Variants in ARIH2 observed in about 807,000 individuals in gnomAD.
ARIH2 encodes E3 ubiquitin-protein ligase ARIH2.
A neutral mutation model predicts 79.8 loss-of-function variants in ARIH2; 12 were observed. That is an observed-to-expected ratio of 0.15 (90% CI 0.10 to 0.24). The LOEUF (loss-of-function observed/expected upper bound fraction) is 0.24, where lower values mean the gene tolerates loss of function less well. Among genes scored for constraint, ARIH2 ranks in the 10% least tolerant of loss-of-function variants. ARIH2 has a pLI of 1.00. For missense variants in ARIH2, 301 were observed against 618.3 expected (o/e 0.49, Z 5.44); for synonymous variants, 224 against 213.9 (o/e 1.05, Z -0.41).
chr3:48,972,979 T>C (rs1368718509), intron 8 of ARIH2, among the ~76,000 whole-genome samples: 1 of 152,220 alleles, frequency 6.6e-6, no homozygotes, highest in African/African-American at 2.4e-5. Context: ...CCTTCCATAG[T>C]GCTAGGATTA....
chr3:48,970,042 C>T (rs991509423), intron 7 of ARIH2, among the ~76,000 whole-genome samples: 1 of 151,998 alleles, frequency 6.6e-6, no homozygotes, highest in African/African-American at 2.4e-5. Context: ...AAGCTCGCGC[C>T]ACCACACCCA....
At chr3:48,979,415 C>T (rs1576556993) in intron 11 of ARIH2, 67 bp from the exon 12 acceptor site, 3 of 1,555,312 alleles carry the variant, frequency 1.9e-6, no homozygotes, top group South Asian at 1.2e-5. Context: ...CTGTCTCACT[C>T]CTCTGCCTAT....
At chr3:48,957,766 A>T (rs1052181122) in intron 3 of ARIH2, among the ~76,000 whole-genome samples, 1 of 152,128 alleles carries the variant, frequency 6.6e-6, no homozygotes, top group African/African-American at 2.4e-5. Flanking sequence ...CCCAGGCTGG[A>T]GTGCAGTGGC....
chr3:48,934,682 T>C, intron 3 of ARIH2: 22 of 985,420 alleles, frequency 2.2e-5, no homozygotes, highest in Non-Finnish European at 2.7e-5. Flanking sequence ...TTTACTGATG[T>C]GTAAATTCAT....
Position 48,927,524 on chromosome 3 carries a change from T to C in ARIH2, c.-35T>C. Reference sequence around the variant, plus strand: ...TTTGGGGGGAGGGGGAAAAAGCAACTGCTTTCCTGATCTGCAACTTGGCTG... The same window carrying C: ...TTTGGGGGGAGGGGGAAAAAGCAACCGCTTTCCTGATCTGCAACTTGGCTG... On this transcript the variant is annotated 5_prime_UTR_variant, in exon 3 of 16. Transcript: ENST00000356401. 1 of 1,602,530 alleles carries C rather than the reference T, an allele frequency of 6.2e-7. No homozygotes were observed.
chr3:48,958,662 T>G (rs1250016037), intron 3 of ARIH2, among the ~76,000 whole-genome samples: 1 of 151,438 alleles, frequency 6.6e-6, no homozygotes, highest in Non-Finnish European at 1.5e-5. Flanking sequence ...TGAGTCGAGA[T>G]CGTACCACTG....
At chr3:48,953,865 TAAAAA>T (rs954733455) in intron 3 of ARIH2, among the ~76,000 whole-genome samples, 1 of 145,274 alleles carries the variant, frequency 6.9e-6, no homozygotes, top group Admixed American at 6.9e-5. Context: ...CCCAGCTAAT[TAAAAA>T]AAAAATGTTT....
At chr3:48,962,348 G>A (rs1351568663) in intron 4 of ARIH2, among the ~76,000 whole-genome samples, 1 of 151,786 alleles carries the variant, frequency 6.6e-6, no homozygotes, top group Admixed American at 6.6e-5. Context: ...CTGCACTCCA[G>A]CCTGGTGGCA....
At chr3:48,961,580 A>G (rs1339977366) in intron 3 of ARIH2, 32 bp from the exon 4 acceptor site, 8 of 1,367,252 alleles carry the variant, frequency 5.9e-6, no homozygotes, top group Non-Finnish European at 8.3e-6. Context: ...AAATGCAGTT[A>G]TAATTCGATT....
In ARIH2 at chr3:48,968,690, C is replaced by T. The variant is rs375055539; in HGVS notation, c.660+35C>T. ...GCCTTTGTTCTGCCCTCTGTCTTCC[C>T]GGGCCTACCTTCCATCAGAGGGTCA... On this transcript the variant is annotated intron_variant, in intron 7 of 15. Coordinates refer to ENST00000356401, the MANE Select transcript of ARIH2 (RefSeq NM_006321.4). The T allele has an allele frequency of 6.0e-4, 962 of 1,591,806 alleles. 7 individuals are homozygous for T. The African/African-American group carries it at 0.011, about 17-fold the overall frequency.
chr3:48,934,696 T>A (rs894428295), intron 3 of ARIH2: 7 of 985,458 alleles, frequency 7.1e-6, no homozygotes, highest in Non-Finnish European at 8.4e-6. Flanking sequence ...AATTCATTTT[T>A]AAAAGGCGAT....
chr3:48,969,712 C>T (rs1428295497), intron 7 of ARIH2, among the ~76,000 whole-genome samples: 1 of 151,980 alleles, frequency 6.6e-6, no homozygotes, highest in African/African-American at 2.4e-5. Flanking sequence ...TGGTCTCGAA[C>T]TTCTGAGCTC....
At chr3:48,978,474 TATATA>T (rs2092629276) in intron 11 of ARIH2, among the ~76,000 whole-genome samples, 2 of 70,498 alleles carry the variant, frequency 2.8e-5, no homozygotes, top group South Asian at 2.2e-3. Context: ...TGTATATATA[TATATA>T]TATATTTTTT....
chr3:48,925,244 G>A (rs2085400109), intron 2 of ARIH2: 2 of 151,596 alleles, frequency 1.3e-5, no homozygotes, highest in East Asian at 1.9e-4. Flanking sequence ...CTCCCCAGTA[G>A]TTGGGACTGC....
intron 3 of ARIH2, among the ~76,000 whole-genome samples, chr3:48,946,723 C>G (rs556997177): frequency 4.6e-5 from 7 of 152,058 alleles, no homozygotes; most frequent in Admixed American, 4.6e-4. Context: ...GGAAAGAAAG[C>G]TCCCCAGTAG....
At position 48,927,610 on chromosome 3, in the gene ARIH2, G is replaced by A. The variant is rs138105757; in HGVS notation, c.52G>A (p.Asp18Asn). 1.9e-6 allele frequency: 3 copies of A among 1,613,854 alleles called. No homozygotes were observed. The highest frequency in any genetic ancestry group is 1.3e-5 in the African/African-American group (1 of 74,916). ...QGSDSNEEDY[D>N]PNCEEEEEEE... is the part of the protein sequence containing the mutation. ...GTCTGACAGCAATGAAGAGGACTAT[G>A]ACCCAAATTGTGAGGAAGAGGAAGA... is the stretch of plus-strand genomic sequence containing the variant. Residue 18 changes from aspartate (D) to asparagine (N), a missense_variant, in exon 3 of 16, where the codon GAC becomes AAC. By Grantham distance (23) the Asp-to-Asn change is conservative. This residue lies in a region of ARIH2 where 223 missense variants were observed against 349.4 expected (regional missense o/e 0.64). Transcript: ENST00000356401.
At chr3:48,965,035 T>C (rs2091636150) in intron 5 of ARIH2, 53 bp downstream of exon 5, 10 of 1,559,924 alleles carry the variant, frequency 6.4e-6, no homozygotes, top group Non-Finnish European at 7.1e-6. Flanking sequence ...TGGTTCTTGC[T>C]TTGGCTTGCA....
At chr3:48,953,568 A>C (rs2090223740) in intron 3 of ARIH2, among the ~76,000 whole-genome samples, 1 of 151,628 alleles carries the variant, frequency 6.6e-6, no homozygotes, top group Non-Finnish European at 1.5e-5. Flanking sequence ...CGCCCGGCTA[A>C]TTATTTGTAT....
chr3:48,953,493 T>C (rs1001239519), intron 3 of ARIH2, among the ~76,000 whole-genome samples: 2 of 152,052 alleles, frequency 1.3e-5, no homozygotes, highest in Non-Finnish European at 1.5e-5. Flanking sequence ...AAGCTCCGCC[T>C]CCCGGGTTCA....
Sources: allele counts gnomAD v4.1 joint callset (sites outside exome capture counted in the v4.1 genomes callset), GRCh38; gene constraint gnomAD v4.1.1; regional missense constraint gnomAD v4.1.1; transcripts MANE v1.5; gene names NCBI Gene and HGNC (gene_info 2026-07-23, HGNC 2026-07-21).